MAPK14: variants seen among roughly 807,000 people sequenced by gnomAD.
MAPK14 encodes CSAID-binding protein.
Under a neutral mutation model 49.6 loss-of-function variants are expected in MAPK14, and 16 were observed. The observed-to-expected ratio is 0.32, with a 90% CI of 0.22 to 0.49. The LOEUF is 0.49. MAPK14 is among the 20% of genes least tolerant of loss of function. The pLI, the probability that MAPK14 is intolerant of heterozygous loss-of-function variation, is 0.99. For synonymous variants in MAPK14, 142 were observed against 158.0 expected, an observed-to-expected ratio of 0.90 and a Z score of 0.76; for missense variants, 200 against 441.2, an observed-to-expected ratio of 0.45 and a Z score of 4.90.
intron 8 of MAPK14, among the ~76,000 whole-genome samples, chr6:36,087,638 G>A (rs1765039944): frequency 6.6e-6 from 1 of 152,052 alleles, no homozygotes; most frequent in African/African-American, 2.4e-5. Flanking sequence ...AAATCAGAGA[G>A]GACACAAACA....
chr6:36,088,053 C>T (rs1362050510), intron 8 of MAPK14, among the ~76,000 whole-genome samples: 1 of 152,128 alleles, frequency 6.6e-6, no homozygotes, highest in African/African-American at 2.4e-5. Context: ...ATAAATGGTG[C>T]TGGGAGAACT....
intron 1 of MAPK14, among the ~76,000 whole-genome samples, chr6:36,046,500 C>T (rs998188299): frequency 6.6e-6 from 1 of 152,146 alleles, no homozygotes; most frequent in African/African-American, 2.4e-5. Context: ...ACATTTAATC[C>T]TAACATATCC....
At chr6:36,071,811 A>G (rs1764286721) in intron 3 of MAPK14, among the ~76,000 whole-genome samples, 1 of 152,206 alleles carries the variant, frequency 6.6e-6, no homozygotes, top group South Asian at 2.1e-4. Flanking sequence ...CATTTGTAAG[A>G]AAACTGATAC....
intron 8 of MAPK14, among the ~76,000 whole-genome samples, chr6:36,078,178 T>A (rs1183587456): frequency 6.6e-6 from 1 of 152,206 alleles, no homozygotes; most frequent in Non-Finnish European, 1.5e-5. Context: ...TGAGTAAGTT[T>A]CCTAACCTCT....
intron 1 of MAPK14, among the ~76,000 whole-genome samples, chr6:36,029,992 G>A (rs1217099184): frequency 6.8e-6 from 1 of 146,696 alleles, no homozygotes; most frequent in Non-Finnish European, 1.5e-5. Context: ...TTTCAAAGAC[G>A]TATTTGGATC....
At position 36,093,576 on chromosome 6, in the gene MAPK14, G is replaced by A. The variant is rs574287091; in HGVS notation, c.683-2411G>A. ...CTACTAAAAATACAAAAAATTAGCC[G>A]GGTGTGGTGGCAGGCGCCTGTAGTC... On this transcript the variant is annotated intron_variant, in intron 8 of 11. Coordinates refer to ENST00000229794, the MANE Select transcript of MAPK14 (RefSeq NM_139012.3). Among the ~76,000 whole-genome samples, 95 of 152,104 alleles carry A rather than the reference G, an allele frequency of 6.2e-4. 3 individuals carry two copies. In the East Asian group the frequency reaches 0.017, roughly 28 times the overall value.
chr6:36,096,227 GTGCACGCATGTGTGCCTGCT>G (rs1165460414), intron 9 of MAPK14, 161 bp downstream of exon 9: 2 of 571,540 alleles, frequency 3.5e-6, no homozygotes, highest in Non-Finnish European at 6.2e-6. Flanking sequence ...GTGTGTGTGC[GTGCACGCATGTGTGCCTGCT>G]TGCATGCACA....
chr6:36,108,407 T>C lies in MAPK14; in HGVS notation c.1043T>C (p.Phe348Ser). The C allele has an allele frequency of 6.2e-7, 1 of 1,614,072 alleles. No individual in the cohort carries two copies. The highest frequency in any genetic ancestry group is 1.1e-5 in the South Asian group (1 of 91,084). ...CTGACCTATGATGAAGTCATCAGCT[T>C]TGTGCCACCACCCCTTGACCAAGAA... ...KSLTYDEVIS[F>S]VPPPLDQEEM... The change falls in exon 12 of 12, where the codon TTT (phenylalanine) becomes TCT (serine). Residue 348 changes from phenylalanine to serine, a missense_variant. Transcript: ENST00000229794.
intron 8 of MAPK14, among the ~76,000 whole-genome samples, chr6:36,090,224 A>G (rs1444892006): frequency 6.6e-6 from 1 of 152,126 alleles, no homozygotes; most frequent in Non-Finnish European, 1.5e-5. Flanking sequence ...CTCTGTTCAT[A>G]CTGTCCTGCT....
At chr6:36,069,525 G>C (rs1409928477) in intron 3 of MAPK14, among the ~76,000 whole-genome samples, 1 of 152,182 alleles carries the variant, frequency 6.6e-6, no homozygotes, top group Non-Finnish European at 1.5e-5. Flanking sequence ...TTTCATTGTA[G>C]CTTAGTAGTA....
rs1034675510 is a variant in MAPK14 at position 36,111,236 on chromosome 6, A to T, written c.*2789A>T. 1 of 152,258 alleles carries T rather than the reference A, an allele frequency of 6.6e-6. No individual in the cohort carries two copies. The highest frequency in any genetic ancestry group is 6.5e-5 in the Admixed American group (1 of 15,284). The allele number at this position is 152,258 out of a possible 1,614,324, so 9.4% of individuals were successfully genotyped here. On this transcript the variant is annotated 3_prime_UTR_variant, in exon 12 of 12. Transcript: ENST00000229794. The stretch of plus-strand genomic sequence containing the variant: ...CATAAATAAAGTTTTATGAGAACAG[A>T]GCCGCACTCATCTGTTTATGTATTG...
intron 1 of MAPK14, among the ~76,000 whole-genome samples, chr6:36,031,715 A>AT (rs1367867320): frequency 6.6e-6 from 1 of 152,082 alleles, no homozygotes; most frequent in African/African-American, 2.4e-5. Flanking sequence ...ATCCATCTTC[A>AT]TTTTTTTGAG....
chr6:36,044,407 G>A (rs866678145), intron 1 of MAPK14, among the ~76,000 whole-genome samples: 1 of 152,248 alleles, frequency 6.6e-6, no homozygotes. Flanking sequence ...TTAATACTCT[G>A]TGGACATGGG....
At chr6:36,041,347 C>G (rs1184187025) in intron 1 of MAPK14, among the ~76,000 whole-genome samples, 1 of 151,542 alleles carries the variant, frequency 6.6e-6, no homozygotes, top group East Asian at 1.9e-4. Flanking sequence ...CTCCATGATC[C>G]ATTCTTAAAT....
intron 3 of MAPK14, among the ~76,000 whole-genome samples, chr6:36,064,904 A>AT (rs1439664735): frequency 6.6e-6 from 1 of 152,180 alleles, no homozygotes; most frequent in African/African-American, 2.4e-5. Flanking sequence ...GTACTCTCTA[A>AT]TCTAACCTCA....
At chr6:36,105,498 C>T (rs574839743) in intron 10 of MAPK14, among the ~76,000 whole-genome samples, 4 of 152,180 alleles carry the variant, frequency 2.6e-5, no homozygotes, top group East Asian at 1.9e-4. Context: ...AGAGACTTGT[C>T]GTATAATCTG....
At chr6:36,066,128 A>G (rs961589418) in intron 3 of MAPK14, among the ~76,000 whole-genome samples, 4 of 152,150 alleles carry the variant, frequency 2.6e-5, no homozygotes, top group African/African-American at 9.7e-5. Flanking sequence ...TATTTGACAC[A>G]ACAATCCTGT....
chr6:36,095,039 T>C (rs553915470), intron 8 of MAPK14, among the ~76,000 whole-genome samples: 1 of 152,330 alleles, frequency 6.6e-6, no homozygotes, highest in South Asian at 2.1e-4. Context: ...GATAAACTGT[T>C]CACATTTTCA....
chr6:36,040,725 A>C (rs1272109420), intron 1 of MAPK14, among the ~76,000 whole-genome samples: 1 of 152,156 alleles, frequency 6.6e-6, no homozygotes, highest in Admixed American at 6.5e-5. Context: ...TTTTTTCTGG[A>C]AAGGAAATTA....
Sources: allele counts gnomAD v4.1 joint callset (sites outside exome capture counted in the v4.1 genomes callset), GRCh38; gene constraint gnomAD v4.1.1; transcripts MANE v1.5; gene names NCBI Gene and HGNC (gene_info 2026-07-23, HGNC 2026-07-21).